The following CFDP1 variants were observed in gnomAD, a reference collection of about 807,000 sequenced individuals.
CFDP1 encodes chromatin remodeling protein CFDP1.
In CFDP1, 31 loss-of-function variants were observed where a neutral mutation model predicts 40.1. The observed-to-expected ratio is 0.77, with a 90% CI of 0.58 to 1.04. The LOEUF (loss-of-function observed/expected upper bound fraction) is 1.04. Among genes scored for constraint, CFDP1 ranks in the 50% least tolerant of loss-of-function variants. The pLI is 0.00. For missense variants in CFDP1, 423 were observed against 343.4 expected (o/e 1.23, Z -1.83); for synonymous variants, 167 against 120.0 (o/e 1.39, Z -2.56).
chr16:75,338,366 A>G (rs1344301440), intron 5 of CFDP1, among the ~76,000 whole-genome samples: 1 of 152,158 alleles, frequency 6.6e-6, no homozygotes, highest in Non-Finnish European at 1.5e-5. Context: ...ACTGAAAGGA[A>G]CCAATGGGTT....
chr16:75,297,194 G>GTGT (rs1567637643), intron 6 of CFDP1, among the ~76,000 whole-genome samples: 1 of 146,226 alleles, frequency 6.8e-6, no homozygotes, highest in African/African-American at 2.6e-5. Context: ...GTGTGTGTGT[G>GTGT]TTTTTAGTAG....
chr16:75,425,703 T>C (rs934355480), intron 1 of CFDP1, among the ~76,000 whole-genome samples: 2 of 148,562 alleles, frequency 1.3e-5, no homozygotes, highest in Admixed American at 6.7e-5. Flanking sequence ...TATGCAAAAA[T>C]TAACTGAAAA....
chr16:75,433,481 T>C lies in CFDP1; in HGVS notation c.-129A>G. 1.2e-6 allele frequency: 1 copy of C among 803,112 alleles called. No individual in the cohort carries two copies. The highest frequency in any genetic ancestry group is 2.0e-6 in the Non-Finnish European group (1 of 490,512). The allele number at this position is 803,112 out of a possible 1,614,324, so 49.7% of individuals were successfully genotyped here. ...GCTAGGGCGGCCCCCGACAGCGCTTTGCACATGCGCAGAGAGTACTACGTG... is the reference window on the plus strand; with the variant it reads ...GCTAGGGCGGCCCCCGACAGCGCTTCGCACATGCGCAGAGAGTACTACGTG... On this transcript the variant is annotated 5_prime_UTR_variant, in exon 1 of 7. Transcript: ENST00000283882.
intron 4 of CFDP1, among the ~76,000 whole-genome samples, chr16:75,401,881 A>C (rs1038519593): frequency 1.3e-5 from 2 of 152,204 alleles, no homozygotes; most frequent in African/African-American, 4.8e-5. Flanking sequence ...CTTTGCTCTT[A>C]AGGAGCTCAC....
intron 4 of CFDP1, among the ~76,000 whole-genome samples, chr16:75,397,330 C>T (rs1296639073): frequency 1.3e-5 from 2 of 151,292 alleles, no homozygotes; most frequent in African/African-American, 2.4e-5. Context: ...GCCTGGCCAA[C>T]ATGATGAAAC....
intron 5 of CFDP1, among the ~76,000 whole-genome samples, chr16:75,365,713 A>C (rs1486359604): frequency 1.3e-5 from 2 of 152,224 alleles, no homozygotes; most frequent in Non-Finnish European, 2.9e-5. Context: ...CCTGTCTCAA[A>C]AAAACAAACA....
intron 1 of CFDP1, among the ~76,000 whole-genome samples, chr16:75,420,446 A>C (rs560279467): frequency 6.6e-6 from 1 of 152,362 alleles, no homozygotes; most frequent in Admixed American, 6.5e-5. Flanking sequence ...ATGAGGGAAT[A>C]ACCAGACAAA....
chr16:75,329,240 C>T (rs2078427387), intron 5 of CFDP1, among the ~76,000 whole-genome samples: 1 of 152,136 alleles, frequency 6.6e-6, no homozygotes, highest in African/African-American at 2.4e-5. Flanking sequence ...CCTGCACTGG[C>T]CTCTCAAAGT....
At chr16:75,315,759 G>C (rs1350919428) in intron 5 of CFDP1, among the ~76,000 whole-genome samples, 1 of 152,074 alleles carries the variant, frequency 6.6e-6, no homozygotes, top group Non-Finnish European at 1.5e-5. Context: ...CCTTTAGCAT[G>C]TATCTCCCAA....
Position 75,396,355 on chromosome 16 carries a change from T to C in CFDP1, c.531-1146A>G, listed in dbSNP as rs749723369. On this transcript the variant is annotated intron_variant, in intron 4 of 6. Transcript: ENST00000283882. ...GAGTTTGAGACCAGCCTGGCCAACA[T>C]GGTGAAACCCTGTCTCTACTAAAAA... 6.8e-5 allele frequency among the ~76,000 whole-genome samples: 7 copies of C among 103,088 alleles called. 3 individuals are homozygous for C. The highest frequency in any genetic ancestry group is 1.6e-4 in the Non-Finnish European group (7 of 43,118). 67.6% of individuals were successfully genotyped at this position (103,088 alleles called of 152,430 possible). A position where few individuals can be genotyped will look rare whatever the true frequency, so the allele number is the denominator to read the frequency against.
chr16:75,399,056 C>CAAAAAAA (rs58692180), intron 4 of CFDP1, among the ~76,000 whole-genome samples: 1 of 98,048 alleles, frequency 1.0e-5, no homozygotes, highest in African/African-American at 3.7e-5. Context: ...GACTCCGTCT[C>CAAAAAAA]AAAAAAAAAA....
chr16:75,383,380 G>C (rs1211752706), intron 5 of CFDP1, among the ~76,000 whole-genome samples: 3 of 152,162 alleles, frequency 2.0e-5, no homozygotes, highest in African/African-American at 7.2e-5. Flanking sequence ...GCCTTTTTAA[G>C]AACTTTAATC....
chr16:75,321,238 T>C (rs2078361257), intron 5 of CFDP1, among the ~76,000 whole-genome samples: 1 of 152,220 alleles, frequency 6.6e-6, no homozygotes, highest in African/African-American at 2.4e-5. Flanking sequence ...GTGCTGGAAT[T>C]ACAGGCGTGA....
At chr16:75,424,545 G>A (rs1327298542) in intron 1 of CFDP1, among the ~76,000 whole-genome samples, 1 of 152,064 alleles carries the variant, frequency 6.6e-6, no homozygotes, top group East Asian at 1.9e-4. Context: ...CACGAGGTCA[G>A]GAGATCAAGA....
At chr16:75,320,569 G>C (rs1249724770) in intron 5 of CFDP1, among the ~76,000 whole-genome samples, 1 of 152,226 alleles carries the variant, frequency 6.6e-6, no homozygotes, top group East Asian at 1.9e-4. Context: ...CCTGCTGTGA[G>C]AGCAAGGCCT....
intron 5 of CFDP1, among the ~76,000 whole-genome samples, chr16:75,349,447 T>G (rs570722604): frequency 6.7e-6 from 1 of 150,134 alleles, no homozygotes; most frequent in Non-Finnish European, 1.5e-5. Context: ...GAGTGGAGGT[T>G]GCGGTGAGCC....
At position 75,349,698 on chromosome 16, in the gene CFDP1, T is replaced by TATATATATATATATATATATAC. The variant is rs146824267; in HGVS notation, c.651-44517_651-44516insGTATATATATATATATATATAT. Among the ~76,000 whole-genome samples, 63 of 47,890 alleles carry TATATATATATATATATATATAC rather than the reference T, an allele frequency of 1.3e-3. 3 individuals are homozygous for TATATATATATATATATATATAC. The highest frequency in any genetic ancestry group is 0.028 in the Middle Eastern group (2 of 72). 31.4% of individuals were successfully genotyped at this position (47,890 alleles called of 152,430 possible). A position where few individuals can be genotyped will look rare whatever the true frequency, so the allele number is the denominator to read the frequency against. ...AAAAAAAAAAAAAAAAAAATATATA[T>TATATATATATATATATATATAC]ACATACATATATACGGTTGATTTTT... On this transcript the variant is annotated intron_variant, in intron 5 of 6. Transcript: ENST00000283882.
chr16:75,362,928 A>C (rs1000028135), intron 5 of CFDP1: 1 of 152,190 alleles, frequency 6.6e-6, no homozygotes, highest in African/African-American at 2.4e-5. Flanking sequence ...TGGCAGTGGC[A>C]GATCTTATGG....
At chr16:75,332,088 C>T (rs982827968) in intron 5 of CFDP1, among the ~76,000 whole-genome samples, 12 of 152,152 alleles carry the variant, frequency 7.9e-5, no homozygotes, top group South Asian at 4.1e-4. Context: ...ACTTTTCATG[C>T]GCTTCTATCT....
Sources: allele counts gnomAD v4.1 joint callset (sites outside exome capture counted in the v4.1 genomes callset), GRCh38; gene constraint gnomAD v4.1.1; transcripts MANE v1.5; gene names NCBI Gene and HGNC (gene_info 2026-07-23, HGNC 2026-07-21).